The following RYR2 variants were observed in gnomAD, a reference collection of about 807,000 sequenced individuals.
RYR2 encodes cardiac muscle ryanodine receptor-calcium release channel.
A neutral mutation model predicts 601.1 loss-of-function variants in RYR2; 227 were observed. The ratio of observed to expected loss-of-function variants is 0.38; its 90% CI spans 0.34 to 0.42. The LOEUF (loss-of-function observed/expected upper bound fraction) is 0.42. Ranked by LOEUF, RYR2 falls within the 10% of genes least tolerant of loss-of-function variation. RYR2 has a pLI of 1.00. For synonymous variants in RYR2, 2,223 were observed against 2,175.1 expected (o/e 1.02, Z -0.61); for missense variants, 4,646 against 6,156.5 (o/e 0.75, Z 8.21).
chr1:237,374,601 T>G, intron 6 of RYR2, 116 bp from the exon 7 acceptor site: 27 of 788,878 alleles, frequency 3.4e-5, no homozygotes, highest in Non-Finnish European at 5.4e-5. Context: ...GAGGCTGCAG[T>G]GAGCTGTGAT....
At position 237,743,151 on chromosome 1, in the gene RYR2, C is replaced by T. The variant is rs1356572682; in HGVS notation, c.11145+802C>T. 2.6e-5 allele frequency among the ~76,000 whole-genome samples: 4 copies of T among 151,976 alleles called. No individual in the cohort carries two copies. The East Asian group carries it at 7.8e-4, about 30-fold the overall frequency. ...TTCTTTTTCTTTTCCTTTTAATTTA[C>T]ATGTCTGGACTTTGAGCTAGAAGTC... On this transcript the variant is annotated intron_variant, in intron 80 of 104. Transcript: ENST00000366574.
intron 3 of RYR2, among the ~76,000 whole-genome samples, chr1:237,345,129 CATA>C (rs1698183057): frequency 6.6e-6 from 1 of 152,062 alleles, no homozygotes; most frequent in Admixed American, 6.6e-5. Context: ...TTTGAAGTTA[CATA>C]ATGTCTGTCT....
In RYR2 at chr1:237,440,260, A is replaced by G. The variant is rs573574619; in HGVS notation, c.1006-1059A>G. On this transcript the variant is annotated intron_variant, in intron 12 of 104. Coordinates refer to ENST00000366574, the MANE Select transcript of RYR2 (RefSeq NM_001035.3). ...GTTCGTTTTTGTTTAGCAGACATAC[A>G]TTTTACTCTGACTGAATCTTCAAAA... Among the ~76,000 whole-genome samples the G allele has an allele frequency of 1.4e-3, 207 of 152,318 alleles. 1 individual carries two copies. The highest frequency in any genetic ancestry group is 4.1e-3 in the African/African-American group (171 of 41,580).
chr1:237,444,078 C>A (rs1708131146), intron 13 of RYR2, among the ~76,000 whole-genome samples: 1 of 152,146 alleles, frequency 6.6e-6, no homozygotes, highest in South Asian at 2.1e-4. Context: ...CATGGAGTTG[C>A]ACACAGTATT....
intron 63 of RYR2, 90 bp from the exon 64 acceptor site, chr1:237,698,875 G>T: frequency 1.5e-6 from 1 of 671,986 alleles, no homozygotes; most frequent in South Asian, 2.2e-5. Context: ...TTGTGTCATT[G>T]ACTAATTTTT....
intron 99 of RYR2, 133 bp from the exon 100 acceptor site, chr1:237,808,768 A>T: frequency 1.5e-6 from 1 of 683,748 alleles, no homozygotes; most frequent in Non-Finnish European, 2.5e-6. Context: ...GTGAGAAATA[A>T]GTTATGGATC....
intron 79 of RYR2, among the ~76,000 whole-genome samples, chr1:237,737,584 T>C (rs1212853026): frequency 2.0e-5 from 3 of 152,214 alleles, no homozygotes; most frequent in African/African-American, 7.2e-5. Flanking sequence ...GTATATGTCA[T>C]CATTTCTATA....
chr1:237,268,622 T>C (rs1289504835), intron 1 of RYR2, among the ~76,000 whole-genome samples: 1 of 152,078 alleles, frequency 6.6e-6, no homozygotes, highest in African/African-American at 2.4e-5. Context: ...CTATTAAATA[T>C]TGGTGCTACC....
At chr1:237,162,004 G>A (rs887596372) in intron 1 of RYR2, among the ~76,000 whole-genome samples, 1 of 152,144 alleles carries the variant, frequency 6.6e-6, no homozygotes, top group Non-Finnish European at 1.5e-5. Flanking sequence ...GCATTGCCTA[G>A]TGTGGCAGCC....
At chr1:237,182,270 C>T (rs1678856051) in intron 1 of RYR2, among the ~76,000 whole-genome samples, 1 of 152,000 alleles carries the variant, frequency 6.6e-6, no homozygotes, top group South Asian at 2.1e-4. Context: ...TACAGGTGTG[C>T]ACCACCACGC....
intron 96 of RYR2, among the ~76,000 whole-genome samples, chr1:237,796,071 G>A (rs183402361): frequency 6.6e-6 from 1 of 151,598 alleles, no homozygotes; most frequent in African/African-American, 2.4e-5. Flanking sequence ...CAATGTGTTC[G>A]ATTTTTATGT....
chr1:237,131,222 C>T (rs1672136561), intron 1 of RYR2, among the ~76,000 whole-genome samples: 1 of 152,014 alleles, frequency 6.6e-6, no homozygotes, highest in African/African-American at 2.4e-5. Flanking sequence ...AGGCAACTTC[C>T]TGTAGTTACA....
At chr1:237,421,441 C>G (rs150347091) in intron 11 of RYR2, among the ~76,000 whole-genome samples, 1 of 152,026 alleles carries the variant, frequency 6.6e-6, no homozygotes, top group Admixed American at 6.6e-5. Flanking sequence ...TATTAGTATA[C>G]GGTTATTAAC....
At position 237,590,929 on chromosome 1, in the gene RYR2, C is replaced by A. The variant is rs531412940; in HGVS notation, c.4097C>A (p.Thr1366Asn). The change falls in exon 31 of 105, where the codon ACT (threonine) becomes AAT (asparagine). Residue 1366 changes from threonine to asparagine, a missense_variant. Around this residue, in one of 17 missense-constraint regions of RYR2, gnomAD observed 1,807 missense variants for 2,088.1 expected, o/e 0.87. Coordinates refer to ENST00000366574, the MANE Select transcript of RYR2 (RefSeq NM_001035.3). ...PDRVDKDKEA[T>N]KPEFNNHKDY... ...CGTGTTGACAAAGACAAAGAAGCTA[C>A]TAAACCAGAGTTTAACAACCACAAA... 9 of 1,613,894 alleles carry A rather than the reference C, an allele frequency of 5.6e-6. No homozygotes were observed. The East Asian group carries it at 1.6e-4, about 28-fold the overall frequency.
chr1:237,049,000 T>G, intron 1 of RYR2, among the ~76,000 whole-genome samples: 1 of 151,200 alleles, frequency 6.6e-6, no homozygotes, highest in African/African-American at 2.4e-5. Flanking sequence ...AGCAGAAGAG[T>G]AGGAGTGTTG....
Position 237,648,475 on chromosome 1 carries a change from G to A in RYR2, c.7374G>A (p.Ala2458=), listed in dbSNP as rs780891381. The A allele has an allele frequency of 1.6e-5, 25 of 1,609,180 alleles. No individual in the cohort carries two copies. Among genetic ancestry groups the A allele is most frequent in the South Asian group, 8.9e-5 (8 of 89,838 alleles). Residue 2458 remains alanine, a synonymous_variant, in exon 49 of 105, where the codon GCG becomes GCA. Coordinates refer to ENST00000366574, the MANE Select transcript of RYR2 (RefSeq NM_001035.3). ...ATGTGGTGGAACCTGACATGTCTGC[G>A]GGGTTTTGCCCAGATCACAAGGCAG... ...DGNVVEPDMS[A]GFCPDHKAAM...
intron 87 of RYR2, among the ~76,000 whole-genome samples, chr1:237,775,742 G>C (rs1694612173): frequency 6.6e-6 from 1 of 152,180 alleles, no homozygotes; most frequent in South Asian, 2.1e-4. Context: ...GTTGAGAAAA[G>C]AGAAAGTTTG....
intron 88 of RYR2, among the ~76,000 whole-genome samples, chr1:237,780,194 A>C (rs897411670): frequency 6.6e-6 from 1 of 152,194 alleles, no homozygotes; most frequent in African/African-American, 2.4e-5. Flanking sequence ...GAGGGCTCAG[A>C]GGTACCTGAC....
chr1:237,495,941 T>A (rs80073612), intron 19 of RYR2, among the ~76,000 whole-genome samples: 2,140 of 152,332 alleles, frequency 0.014, 44 homozygotes, highest in African/African-American at 0.043. Flanking sequence ...CATTAGTTCC[T>A]TGGGTGACAC....
Sources: gnomAD v4.1 joint callset for allele counts (sites outside exome capture counted in the v4.1 genomes callset) on GRCh38, gnomAD v4.1.1 for gene constraint, gnomAD v4.1.1 regional missense constraint, MANE v1.5 for transcripts, NCBI Gene and HGNC (gene_info 2026-07-23, HGNC 2026-07-21) for gene names.